SLC44A5: variants seen among roughly 807,000 people sequenced by gnomAD.
SLC44A5 encodes choline transporter-like protein 5.
A neutral mutation model predicts 101.8 loss-of-function variants in SLC44A5; 57 were observed. That is an observed-to-expected ratio of 0.56 (90% CI 0.45 to 0.70). The LOEUF (loss-of-function observed/expected upper bound fraction) is 0.70. SLC44A5 is among the 30% of genes least tolerant of loss of function. SLC44A5 has a pLI of 0.00. For missense variants in SLC44A5, 737 were observed against 853.1 expected, an observed-to-expected ratio of 0.86 and a Z score of 1.70; for synonymous variants, 281 against 290.9, an observed-to-expected ratio of 0.97 and a Z score of 0.35.
chr1:75,404,260 G>A (rs964155295), intron 2 of SLC44A5, among the ~76,000 whole-genome samples: 6 of 152,206 alleles, frequency 3.9e-5, no homozygotes, highest in South Asian at 2.1e-4. Flanking sequence ...ATGGAACCAC[G>A]TTGGAAAACA....
chr1:75,648,590 T>C, the SLC44A5 span, among the ~76,000 whole-genome samples: 1 of 151,698 alleles, frequency 6.6e-6, no homozygotes, highest in African/African-American at 2.4e-5. Flanking sequence ...CCTTCCTAGA[T>C]TGTATGGCCT....
chr1:75,445,353 G>T, intron 2 of SLC44A5, among the ~76,000 whole-genome samples: 1 of 152,006 alleles, frequency 6.6e-6, no homozygotes, highest in East Asian at 1.9e-4. Context: ...AAGCCAAGCA[G>T]ATGCTGGTGC....
intron 19 of SLC44A5, 144 bp from the exon 20 acceptor site, chr1:75,214,822 G>GC: frequency 9.2e-5 from 57 of 617,112 alleles, no homozygotes; most frequent in South Asian, 4.0e-4. Flanking sequence ...TGTATTTGTG[G>GC]GACACACTGT....
intron 3 of SLC44A5, among the ~76,000 whole-genome samples, chr1:75,375,373 C>G (rs1184601226): frequency 6.6e-6 from 1 of 152,168 alleles, no homozygotes; most frequent in East Asian, 1.9e-4. Flanking sequence ...ACTGGCATGT[C>G]TGAGAGAGAA....
chr1:75,560,504 AT>A (rs1403608179), intron 1 of SLC44A5, among the ~76,000 whole-genome samples: 2 of 152,176 alleles, frequency 1.3e-5, no homozygotes, highest in African/African-American at 2.4e-5. Context: ...CTAAAATTAT[AT>A]TCTGGTGATA....
At chr1:75,269,975 T>C (rs989423397) in intron 6 of SLC44A5, among the ~76,000 whole-genome samples, 1 of 152,084 alleles carries the variant, frequency 6.6e-6, no homozygotes, top group Non-Finnish European at 1.5e-5. Flanking sequence ...GAGCTGATGG[T>C]TTCATAAGGG....
At chr1:75,384,830 A>T (rs1661185602) in intron 3 of SLC44A5, among the ~76,000 whole-genome samples, 1 of 150,676 alleles carries the variant, frequency 6.6e-6, no homozygotes, top group African/African-American at 2.4e-5. Flanking sequence ...CAGCAAATGT[A>T]AAAGAACAGA....
At chr1:75,310,465 G>C (rs1655211705) in intron 4 of SLC44A5, among the ~76,000 whole-genome samples, 1 of 152,092 alleles carries the variant, frequency 6.6e-6, no homozygotes, top group Non-Finnish European at 1.5e-5. Context: ...TAGCTCATTG[G>C]CTATTCCTGT....
chr1:75,663,882 T>C, the SLC44A5 span, among the ~76,000 whole-genome samples: 3 of 152,302 alleles, frequency 2.0e-5, no homozygotes, highest in Non-Finnish European at 2.9e-5. Flanking sequence ...CCAATATCCC[T>C]GATGAACATA....
At chr1:75,699,307 G>A in the SLC44A5 span, among the ~76,000 whole-genome samples, 161 of 152,030 alleles carry the variant, frequency 1.1e-3, no homozygotes, top group African/African-American at 3.5e-3. Flanking sequence ...CGGATCTCTC[G>A]GCAGAAACTC....
chr1:75,634,053 G>A, the SLC44A5 span, among the ~76,000 whole-genome samples: 3 of 152,068 alleles, frequency 2.0e-5, no homozygotes. Flanking sequence ...AACCAGCCTT[G>A]CATCCCAGGG....
rs1344565237 is a variant in SLC44A5, at chr1:75,380,430, G to C, written c.52+16153C>G. ...CTTGGAGTGCCAGTCCAGGAGACAG[G>C]ATTGCTCAATTATTACTCCTGCCAT... On this transcript the variant is annotated intron_variant, in intron 3 of 23. Transcript: ENST00000370859. 7.1e-5 allele frequency among the ~76,000 whole-genome samples: 6 copies of C among 84,086 alleles called. 2 individuals are homozygous for C. The highest frequency in any genetic ancestry group is 1.2e-4 in the Non-Finnish European group (6 of 48,392). 55.2% of individuals were successfully genotyped at this position (84,086 alleles called of 152,430 possible). A position where few individuals can be genotyped will look rare whatever the true frequency, so the allele number is the denominator to read the frequency against.
At chr1:75,525,221 A>G (rs1670346093) in intron 2 of SLC44A5, among the ~76,000 whole-genome samples, 1 of 152,210 alleles carries the variant, frequency 6.6e-6, no homozygotes, top group African/African-American at 2.4e-5. Flanking sequence ...TTGTAAAGTG[A>G]AAAATAAACC....
rs758996063 is a variant in SLC44A5 at position 75,238,651 on chromosome 1, T to G, written c.533-15A>C. ...TCTCTGGAGAACTGTAAAAATAAAT[T>G]AAAATTATTGTAATCACTTTTCTAT... On this transcript the variant is annotated splice_polypyrimidine_tract_variant and intron_variant, in intron 9 of 23. Transcript: ENST00000370859. The G allele has an allele frequency of 9.3e-6, 14 of 1,513,070 alleles. No homozygotes were observed. The highest frequency in any genetic ancestry group is 1.2e-5 in the Non-Finnish European group (13 of 1,116,398). The allele number at this position is 1,513,070 out of a possible 1,614,324, so 93.7% of individuals were successfully genotyped here.
chr1:75,284,193 T>C (rs1652852888), intron 5 of SLC44A5, among the ~76,000 whole-genome samples: 3 of 152,166 alleles, frequency 2.0e-5, no homozygotes, highest in Admixed American at 2.0e-4. Flanking sequence ...GTTTTGTAGT[T>C]TTCTGTGTAG....
the SLC44A5 span, among the ~76,000 whole-genome samples, chr1:75,711,198 T>G: frequency 6.6e-6 from 1 of 152,164 alleles, no homozygotes; most frequent in Non-Finnish European, 1.5e-5. Flanking sequence ...GCATAGGCCT[T>G]GACCCAAACA....
the SLC44A5 span, among the ~76,000 whole-genome samples, chr1:75,723,298 T>G: frequency 6.6e-6 from 1 of 152,154 alleles, no homozygotes; most frequent in Non-Finnish European, 1.5e-5. Flanking sequence ...CAGTGTTGAT[T>G]TTTGCAACAC....
intron 17 of SLC44A5, 92 bp from the exon 18 acceptor site, chr1:75,218,052 G>A: frequency 1.2e-6 from 1 of 826,156 alleles, no homozygotes; most frequent in South Asian, 1.6e-5. Context: ...AAAGGTATCT[G>A]CAGAAGGATT....
the SLC44A5 span, among the ~76,000 whole-genome samples, chr1:75,659,493 GCAGGCAGGCAGGCAGGCAGGCAGGC>G: frequency 1.8e-5 from 2 of 108,986 alleles, no homozygotes; most frequent in Non-Finnish European, 3.6e-5. Context: ...AGGAAGGAAG[GCAGGCAGGCAGGCAGGCAGGCAGGC>G]AGGCAGGCAG....
Sources: allele counts gnomAD v4.1 joint callset (sites outside exome capture counted in the v4.1 genomes callset), GRCh38; gene constraint gnomAD v4.1.1; transcripts MANE v1.5; gene names NCBI Gene and HGNC (gene_info 2026-07-23, HGNC 2026-07-21).